The following NUP50 variants were observed in gnomAD, a reference collection of about 807,000 sequenced individuals.
NUP50 encodes the protein nucleoporin 50.
Under a neutral mutation model 36.8 loss-of-function variants are expected in NUP50, and 14 were observed. That is an observed-to-expected ratio of 0.38 (90% CI 0.25 to 0.59). The LOEUF (loss-of-function observed/expected upper bound fraction) is 0.59. Among genes scored for constraint, NUP50 ranks in the 20% least tolerant of loss-of-function variants. The pLI, the probability that NUP50 is intolerant of heterozygous loss-of-function variation, is 0.63. For synonymous variants in NUP50, 195 were observed against 210.8 expected, an observed-to-expected ratio of 0.93 and a Z score of 0.65; for missense variants, 455 against 564.6, an observed-to-expected ratio of 0.81 and a Z score of 1.97.
intron 1 of NUP50, chr22:45,164,826 T>C (rs132853): frequency 0.69 from 104,620 of 152,722 alleles, 35,965 homozygotes; most frequent in East Asian, 0.86. Context: ...CCTCTCGAGC[T>C]TCCTCTCCCC....
At chr22:45,169,027 G>A (rs132865) in intron 2 of NUP50, among the ~76,000 whole-genome samples, 135,231 of 151,172 alleles carry the variant, frequency 0.89, 60,533 homozygotes, top group East Asian at 1. Flanking sequence ...TCAGCCTCCC[G>A]AGTAGCTGGG....
intron 1 of NUP50, among the ~76,000 whole-genome samples, chr22:45,167,940 TA>T (rs1284158322): frequency 6.6e-6 from 1 of 152,122 alleles, no homozygotes; most frequent in East Asian, 1.9e-4. Flanking sequence ...TGGTGTTCCC[TA>T]GGAATCTTCT....
At chr22:45,166,082 C>T (rs952371520) in intron 1 of NUP50, 4 of 152,140 alleles carry the variant, frequency 2.6e-5, no homozygotes, top group African/African-American at 9.7e-5. Context: ...GTAAACAAAA[C>T]AAAGATCCCT....
rs1288268540 is a variant in NUP50, at chr22:45,176,036, C to T, written c.296C>T (p.Pro99Leu). 2 of 1,614,148 alleles carry T rather than the reference C, an allele frequency of 1.2e-6. No homozygotes were observed. Among genetic ancestry groups the T allele is most frequent in the South Asian group, 2.2e-5 (2 of 91,076 alleles). The change falls in exon 4 of 8, where the codon CCC becomes CTC. Residue 99 changes from proline (P) to leucine (L), a missense_variant. By Grantham distance (98) the Pro-to-Leu change is moderately conservative (BLOSUM62 -3). Around this residue, in one of 3 missense-constraint regions of NUP50, gnomAD observed 166 missense variants for 202.8 expected, o/e 0.82. Coordinates refer to ENST00000347635, the MANE Select transcript of NUP50 (RefSeq NM_007172.4). Reference protein sequence around the residue: ...SNGNNITSAPPFASAKAAADP... With the variant: ...SNGNNITSAPLFASAKAAADP... The stretch of plus-strand genomic sequence containing the variant: ...GGAAACAACATAACCAGTGCCCCTC[C>T]CTTCGCCAGTGCAAAGGCAGCGGCA...
At chr22:45,183,202 G>T (rs1043455911) in intron 6 of NUP50, among the ~76,000 whole-genome samples, 200 bp from the exon 7 acceptor site, 2 of 152,180 alleles carry the variant, frequency 1.3e-5, no homozygotes, top group East Asian at 3.9e-4. Context: ...AAATGGGGAG[G>T]AGTTTTAAAA....
intron 3 of NUP50, 28 bp downstream of exon 3, chr22:45,171,711 TTAAA>T (rs2074198018): frequency 6.3e-7 from 1 of 1,580,306 alleles, no homozygotes; most frequent in South Asian, 1.1e-5. Context: ...GCTCTTGCTA[TTAAA>T]TACTCATTTG....
intron 2 of NUP50, among the ~76,000 whole-genome samples, chr22:45,169,029 G>A (rs2074142170): frequency 2.7e-5 from 4 of 150,022 alleles, no homozygotes; most frequent in Admixed American, 2.0e-4. Flanking sequence ...AGCCTCCCGA[G>A]TAGCTGGGAT....
chr22:45,178,374 G>C lies in NUP50; in HGVS notation c.477G>C (p.Gln159His), dbSNP rs780640120. 1.5e-5 allele frequency: 24 copies of C among 1,613,888 alleles called. No individual in the cohort carries two copies. The highest frequency in any genetic ancestry group is 1.9e-5 in the Non-Finnish European group (23 of 1,179,882). The change falls in exon 5 of 8, where the codon CAG (glutamine) becomes CAC (histidine). Residue 159 changes from glutamine (Q) to histidine (H), a missense_variant. By Grantham distance (24) the Gln-to-His change is conservative. This residue lies in a region of NUP50 where 166 missense variants were observed against 202.8 expected (regional missense o/e 0.82). Coordinates refer to ENST00000347635, the MANE Select transcript of NUP50 (RefSeq NM_007172.4). The part of the protein sequence containing the change: ...KACVGNAYHK[Q>H]LAALNCSVRD... ...GTGTCGGAAATGCCTATCACAAGCA[G>C]TTGGCCGCCTTGAACTGCTCCGTGC...
intron 1 of NUP50, among the ~76,000 whole-genome samples, chr22:45,167,638 A>G (rs530635520): frequency 2.0e-5 from 3 of 152,208 alleles, no homozygotes; most frequent in Non-Finnish European, 4.4e-5. Context: ...GGAACCATGT[A>G]TCTCTGTCGG....
intron 5 of NUP50, 60 bp downstream of exon 5, chr22:45,178,960 C>G (rs2074323028): frequency 1.3e-6 from 2 of 1,493,898 alleles, no homozygotes; most frequent in African/African-American, 1.4e-5. Flanking sequence ...TCTTGGGAAA[C>G]CCAGAGACTT....
At chr22:45,179,452 C>T (rs1159395943) in intron 5 of NUP50, 1 of 153,186 alleles carries the variant, frequency 6.5e-6, no homozygotes, top group East Asian at 1.9e-4. Context: ...TGTGTATCGT[C>T]AGTGCCCCAG....
At chr22:45,171,278 C>T (rs2074189699) in intron 2 of NUP50, 1 of 756,216 alleles carries the variant, frequency 1.3e-6, no homozygotes, top group Non-Finnish European at 1.8e-6. Flanking sequence ...CTCACTGCAA[C>T]CTCCACCTCC....
At chr22:45,175,111 C>G (rs138548795) in intron 3 of NUP50, among the ~76,000 whole-genome samples, 2 of 152,238 alleles carry the variant, frequency 1.3e-5, no homozygotes, top group East Asian at 3.9e-4. Flanking sequence ...AAAAGGGCTT[C>G]TAAAAATTGT....
chr22:45,166,616 C>T (rs563662016), intron 1 of NUP50, among the ~76,000 whole-genome samples: 11 of 151,970 alleles, frequency 7.2e-5, no homozygotes, highest in East Asian at 1.9e-4. Flanking sequence ...CAAACGTGAC[C>T]GTTGGTGACT....
intron 4 of NUP50, chr22:45,177,711 A>ATCTCGGTGGTC: frequency 6.5e-6 from 1 of 153,344 alleles, no homozygotes; most frequent in Non-Finnish European, 1.5e-5. Context: ...AAATGTGTAG[A>ATCTCGGTGGTC]GCAAGCATAT....
intron 1 of NUP50, among the ~76,000 whole-genome samples, chr22:45,165,250 ATTGT>A (rs1209205459): frequency 2.0e-5 from 3 of 151,970 alleles, no homozygotes; most frequent in East Asian, 1.9e-4. Context: ...CCTTTTATTG[ATTGT>A]TTGATTGAGA....
chr22:45,183,018 T>A (rs1176142013), intron 6 of NUP50, among the ~76,000 whole-genome samples: 4 of 137,914 alleles, frequency 2.9e-5, no homozygotes, highest in Non-Finnish European at 4.6e-5. Context: ...TTTGTTCCTG[T>A]CTTTAGAGGA....
At position 45,186,804 on chromosome 22, in the gene NUP50, ACT is replaced by A. The variant is rs946555872; in HGVS notation, c.*2152_*2153del. 8 of 152,558 alleles carry A rather than the reference ACT, an allele frequency of 5.2e-5. No individual in the cohort carries two copies. Among genetic ancestry groups the A allele is most frequent in the African/African-American group, 1.4e-4 (6 of 41,508 alleles). The allele number at this position is 152,558 out of a possible 1,614,324, so 9.5% of individuals were successfully genotyped here. On this transcript the variant is annotated 3_prime_UTR_variant, in exon 8 of 8. Coordinates refer to ENST00000347635, the MANE Select transcript of NUP50 (RefSeq NM_007172.4). Reference sequence around the variant, plus strand: ...CAAAATGTGATATTTTCTTAAAATCACTCTTTTATGCTTTAGGAACTGGTTGG... The same window carrying A: ...CAAAATGTGATATTTTCTTAAAATCACTTTTATGCTTTAGGAACTGGTTGG...
chr22:45,172,855 T>G (rs1051813950), intron 3 of NUP50, among the ~76,000 whole-genome samples: 1 of 152,154 alleles, frequency 6.6e-6, no homozygotes, highest in African/African-American at 2.4e-5. Context: ...CAATTCAAAT[T>G]ATAAAAATAA....
Sources: allele counts gnomAD v4.1 joint callset (sites outside exome capture counted in the v4.1 genomes callset), GRCh38; gene constraint gnomAD v4.1.1; regional missense constraint gnomAD v4.1.1; transcripts MANE v1.5; gene names NCBI Gene and HGNC (gene_info 2026-07-23, HGNC 2026-07-21).